Variants in HS6ST2 observed in about 807,000 individuals in gnomAD.
The protein encoded by HS6ST2 is heparan-sulfate 6-O-sulfotransferase 2.
Under a neutral mutation model 33.0 loss-of-function variants are expected in HS6ST2, and 17 were observed. The observed-to-expected ratio is 0.52, with a 90% CI of 0.35 to 0.77. HS6ST2 has a LOEUF of 0.77. Among genes scored for constraint, HS6ST2 ranks in the 30% least tolerant of loss-of-function variants. The probability of loss-of-function intolerance (pLI) is 0.01; values close to 1 mark genes in which losing one functional copy is unlikely to be tolerated. For missense variants in HS6ST2, 519 were observed against 551.7 expected, an observed-to-expected ratio of 0.94 and a Z score of 0.59; for synonymous variants, 248 against 237.1, an observed-to-expected ratio of 1.05 and a Z score of -0.42.
intron 4 of HS6ST2, among the ~76,000 whole-genome samples, chrX:132,654,941 C>A (rs1223992889): frequency 1.8e-5 from 2 of 112,248 alleles, no homozygotes; most frequent in Non-Finnish European, 3.8e-5. Context: ...ACTTTTTCTT[C>A]CAGTGGAGAC....
intron 2 of HS6ST2, among the ~76,000 whole-genome samples, chrX:132,910,737 G>A (rs772899449): frequency 2.6e-4 from 29 of 111,726 alleles, no homozygotes; most frequent in Non-Finnish European, 4.5e-4. Context: ...GTTCCAGGGC[G>A]TATCCAACAC....
intron 3 of HS6ST2, among the ~76,000 whole-genome samples, chrX:132,701,990 A>G (rs1191771908): frequency 1.8e-5 from 2 of 112,437 alleles, no homozygotes; most frequent in Admixed American, 1.9e-4. Context: ...GGCAGAGGTT[A>G]AAACAAGACA....
rs202245508 is a variant in HS6ST2 at position 132,628,480 on chromosome X, G to T, written c.1681C>A (p.Leu561Met). The T allele has an allele frequency of 2.9e-5, 35 of 1,209,001 alleles. No individual in the cohort carries two copies. Among genetic ancestry groups the T allele is most frequent in the Non-Finnish European group, 3.6e-5 (32 of 894,990 alleles). The change falls in exon 5 of 5, where the codon CTG becomes ATG. Residue 561 changes from leucine to methionine, a missense_variant. Transcript: ENST00000370833. ...TGGGTCTGAAGGAGCCTTCCCTTCAGAAATTTGCGTTGTTCCTGACGCTTT... is the reference window on the plus strand; with the variant it reads ...TGGGTCTGAAGGAGCCTTCCCTTCATAAATTTGCGTTGTTCCTGACGCTTT... Reference protein sequence around the residue: ...RRKRQEQRKFLKGRLLQTHFQ... With the variant: ...RRKRQEQRKFMKGRLLQTHFQ...
At chrX:132,629,373 C>G (rs772708186) in intron 4 of HS6ST2, among the ~76,000 whole-genome samples, 1 of 111,300 alleles carries the variant, frequency 9.0e-6, no homozygotes, top group Non-Finnish European at 1.9e-5. Flanking sequence ...GCTTCACTCC[C>G]GTTCGTTCCC....
chrX:132,922,243 A>G lies in HS6ST2; in HGVS notation c.947+34565T>C, dbSNP rs371029345. On this transcript the variant is annotated intron_variant, in intron 2 of 4. Transcript: ENST00000370833. The stretch of plus-strand genomic sequence containing the variant: ...TGGTGAAACCCCGTCTCTACTAAAA[A>G]TACAAAACCAAACAAATTAGCCAGG... Among the ~76,000 whole-genome samples the G allele has an allele frequency of 5.4e-5, 6 of 111,826 alleles. No homozygotes were observed. The East Asian group carries it at 1.4e-3, about 26-fold the overall frequency.
At chrX:132,717,697 C>T (rs2064288329) in intron 2 of HS6ST2, among the ~76,000 whole-genome samples, 1 of 112,139 alleles carries the variant, frequency 8.9e-6, no homozygotes, top group Middle Eastern at 4.6e-3. Flanking sequence ...GTGCTTGAGA[C>T]CCGTGGCTAA....
chrX:132,684,073 C>A (rs2063995599), intron 3 of HS6ST2, among the ~76,000 whole-genome samples: 2 of 109,244 alleles, frequency 1.8e-5, no homozygotes, highest in Admixed American at 9.9e-5. Flanking sequence ...TTAAAAGAAA[C>A]ACGCTGGATA....
chrX:132,701,644 C>T (rs1260578452), intron 3 of HS6ST2, among the ~76,000 whole-genome samples: 2 of 111,887 alleles, frequency 1.8e-5, no homozygotes, highest in Non-Finnish European at 3.8e-5. Flanking sequence ...TGGGACAGGA[C>T]GGGAGGTGTG....
intron 2 of HS6ST2, among the ~76,000 whole-genome samples, chrX:132,905,940 C>A (rs2066470172): frequency 9.0e-6 from 1 of 110,850 alleles, no homozygotes; most frequent in Admixed American, 9.6e-5. Context: ...GTGGGAGGAT[C>A]ACTTGAGTCT....
At chrX:132,802,270 T>A (rs1342032277) in intron 2 of HS6ST2, among the ~76,000 whole-genome samples, 1 of 111,851 alleles carries the variant, frequency 8.9e-6, no homozygotes, top group African/African-American at 3.3e-5. Context: ...TGACACTCAC[T>A]TATGTAATCT....
At position 132,819,805 on chromosome X, in the gene HS6ST2, T is replaced by A. The variant is rs192103849; in HGVS notation, c.948-111311A>T. On this transcript the variant is annotated intron_variant, in intron 2 of 4. Transcript: ENST00000370833. ...CAAGCACTTTGCTTCCTCCCTTTAG[T>A]CTAAGCTGCTGCATATATGATAGCA... 2.7e-5 allele frequency among the ~76,000 whole-genome samples: 3 copies of A among 112,350 alleles called. No individual in the cohort carries two copies. In the East Asian group the frequency reaches 8.4e-4, roughly 32 times the overall value.
At chrX:132,721,917 G>C (rs1333708000) in intron 2 of HS6ST2, among the ~76,000 whole-genome samples, 1 of 111,235 alleles carries the variant, frequency 9.0e-6, no homozygotes, top group Non-Finnish European at 1.9e-5. Context: ...GGCCGGGCGC[G>C]GTGGCTCACG....
At chrX:132,724,442 A>T (rs2064372601) in intron 2 of HS6ST2, among the ~76,000 whole-genome samples, 1 of 111,811 alleles carries the variant, frequency 8.9e-6, no homozygotes, top group Non-Finnish European at 1.9e-5. Context: ...CTAGGAATCA[A>T]CTTAGTCAAA....
chrX:132,750,749 C>A (rs1305598938), intron 2 of HS6ST2, among the ~76,000 whole-genome samples: 1 of 112,504 alleles, frequency 8.9e-6, no homozygotes, highest in African/African-American at 3.2e-5. Flanking sequence ...CACCTCTAAC[C>A]TGTAGCTGGG....
At chrX:132,855,811 C>G (rs1164063278) in intron 2 of HS6ST2, among the ~76,000 whole-genome samples, 2 of 110,772 alleles carry the variant, frequency 1.8e-5, no homozygotes, top group Non-Finnish European at 3.8e-5. Flanking sequence ...CTTGCTCATG[C>G]AGAGAAGTGA....
At chrX:132,772,769 T>C (rs1356536418) in intron 2 of HS6ST2, among the ~76,000 whole-genome samples, 1 of 91,056 alleles carries the variant, frequency 1.1e-5, no homozygotes, top group African/African-American at 4.0e-5. Context: ...TAATATATAA[T>C]ATATATATTA....
At chrX:132,944,479 T>C (rs2066922261) in intron 2 of HS6ST2, among the ~76,000 whole-genome samples, 1 of 111,841 alleles carries the variant, frequency 8.9e-6, no homozygotes, top group Non-Finnish European at 1.9e-5. Context: ...CCAATGACTT[T>C]CTTCACAGAA....
intron 2 of HS6ST2, among the ~76,000 whole-genome samples, chrX:132,888,650 C>T (rs753151656): frequency 6.2e-4 from 69 of 111,140 alleles, no homozygotes; most frequent in African/African-American, 2.2e-3. Flanking sequence ...ATTACAGGCA[C>T]GCACCACCAT....
chrX:132,754,885 A>G (rs1166532176), intron 2 of HS6ST2, among the ~76,000 whole-genome samples: 2 of 110,080 alleles, frequency 1.8e-5, no homozygotes, highest in Non-Finnish European at 3.8e-5. Context: ...CTAATTTTTA[A>G]TTTTTTTGTA....
Sources: gnomAD v4.1 joint callset for allele counts (sites outside exome capture counted in the v4.1 genomes callset) on GRCh38, gnomAD v4.1.1 for gene constraint, MANE v1.5 for transcripts, NCBI Gene and HGNC (gene_info 2026-07-23, HGNC 2026-07-21) for gene names.